FGD3: variants seen among roughly 807,000 people sequenced by gnomAD.
FGD3 encodes FYVE, RhoGEF and PH domain-containing protein 3.
In FGD3, 45 loss-of-function variants were observed where a neutral mutation model predicts 71.8. The observed-to-expected ratio is 0.63, with a 90% CI of 0.49 to 0.80. The LOEUF (loss-of-function observed/expected upper bound fraction) is 0.80, where lower values mean the gene tolerates loss of function less well. FGD3 is among the 30% of genes least tolerant of loss of function. The probability of loss-of-function intolerance (pLI) is 0.00; values close to 1 mark genes in which losing one functional copy is unlikely to be tolerated. For missense variants in FGD3, 844 were observed against 951.5 expected (o/e 0.89, Z 1.49); for synonymous variants, 378 against 392.8 (o/e 0.96, Z 0.44).
intron 3 of FGD3, among the ~76,000 whole-genome samples, chr9:92,983,104 T>C (rs1175687551): frequency 6.6e-6 from 1 of 151,766 alleles, no homozygotes; most frequent in African/African-American, 2.4e-5. Context: ...AAATTCACCT[T>C]TTAAAAAGGA....
At chr9:92,992,760 C>T (rs1039673535) in intron 3 of FGD3, among the ~76,000 whole-genome samples, 3 of 152,092 alleles carry the variant, frequency 2.0e-5, no homozygotes, top group Non-Finnish European at 2.9e-5. Flanking sequence ...CCACAGCAGC[C>T]TCGTTCACAG....
At chr9:93,027,715 C>CTTTTTTTTTTTTTTTTTTTTTTTTTT (rs1199094054) in intron 14 of FGD3, among the ~76,000 whole-genome samples, 2 of 102,002 alleles carry the variant, frequency 2.0e-5, no homozygotes, top group African/African-American at 8.0e-5. Context: ...TTCTTTCTTT[C>CTTTTTTTTTTTTTTTTTTTTTTTTTT]TTTTTTTTTT....
intron 14 of FGD3, among the ~76,000 whole-genome samples, chr9:93,028,212 A>ACC (rs1862201230): frequency 1.2e-5 from 1 of 81,660 alleles, no homozygotes; most frequent in Admixed American, 1.2e-4. Context: ...ACACACACAC[A>ACC]CACACGCACA....
intron 3 of FGD3, among the ~76,000 whole-genome samples, chr9:92,980,343 C>T (rs776503312): frequency 1.3e-5 from 2 of 152,112 alleles, no homozygotes; most frequent in African/African-American, 2.4e-5. Flanking sequence ...GTTAACCTAG[C>T]TAAATGTTTG....
intron 1 of FGD3, among the ~76,000 whole-genome samples, chr9:92,959,790 G>A (rs1025869343): frequency 5.3e-5 from 8 of 150,944 alleles, no homozygotes; most frequent in African/African-American, 1.2e-4. Flanking sequence ...TTGGAAGGTC[G>A]ATGGCTGAAG....
intron 3 of FGD3, among the ~76,000 whole-genome samples, chr9:92,994,673 G>A (rs1860557960): frequency 6.6e-6 from 1 of 152,188 alleles, no homozygotes; most frequent in Non-Finnish European, 1.5e-5. Context: ...AAGGGGTCCA[G>A]TTTCAGCTTT....
chr9:93,000,880 G>A (rs1005523360), intron 3 of FGD3, among the ~76,000 whole-genome samples: 5 of 151,946 alleles, frequency 3.3e-5, no homozygotes, highest in African/African-American at 1.2e-4. Flanking sequence ...TAAACTCTTT[G>A]CCCCTTTCTC....
chr9:93,035,227 C>T, intron 17 of FGD3, 111 bp from the exon 18 acceptor site: 5 of 1,443,588 alleles, frequency 3.5e-6, no homozygotes, highest in Non-Finnish European at 4.6e-6. Context: ...TCAGCACCTG[C>T]CTTGCGTTGC....
intron 1 of FGD3, among the ~76,000 whole-genome samples, chr9:92,962,250 G>A (rs992675779): frequency 2.0e-5 from 3 of 152,210 alleles, no homozygotes; most frequent in South Asian, 4.1e-4. Flanking sequence ...GCCTGCTGCT[G>A]TGCTGCCAGA....
intron 6 of FGD3, among the ~76,000 whole-genome samples, chr9:93,008,804 A>G (rs1861174184): frequency 6.6e-6 from 1 of 152,028 alleles, no homozygotes; most frequent in Non-Finnish European, 1.5e-5. Context: ...TCTCTACTAA[A>G]AATACAAAAA....
intron 3 of FGD3, among the ~76,000 whole-genome samples, chr9:92,979,717 T>A (rs930415348): frequency 8.5e-5 from 13 of 152,214 alleles, no homozygotes; most frequent in Non-Finnish European, 1.6e-4. Flanking sequence ...AATCCATCAG[T>A]GAAGCCATCT....
At position 92,976,385 on chromosome 9, in the gene FGD3, TG is replaced by T. The variant is rs1378687962; in HGVS notation, c.133del (p.Asp45ThrfsTer15). On this transcript the variant is annotated frameshift_variant, in exon 3 of 18. Transcript: ENST00000375482. LOFTEE classifies it high-confidence loss of function. ...TCCCTGTTGGGCCCAGAGCCCACTG[TG>T]GGGACCCTGTCAGCCTGGCTGCAGC... Reference protein sequence around the residue: ...ALPVGPRAHCGDPVSLAAAGD... With the variant: ...ALPVGPRAHCXDPVSLAAAGD... 6.2e-7 allele frequency: 1 copy of T among 1,610,812 alleles called. No individual in the cohort carries two copies. Among genetic ancestry groups the T allele is most frequent in the Non-Finnish European group, 8.5e-7 (1 of 1,179,054 alleles).
At chr9:93,019,272 C>CTA (rs1861822748) in intron 11 of FGD3, among the ~76,000 whole-genome samples, 1 of 152,128 alleles carries the variant, frequency 6.6e-6, no homozygotes, top group South Asian at 2.1e-4. Context: ...CATCCCATAT[C>CTA]TGCACACCAT....
At chr9:92,977,054 G>A (rs561957497) in intron 3 of FGD3, among the ~76,000 whole-genome samples, 1 of 152,324 alleles carries the variant, frequency 6.6e-6, no homozygotes, top group Non-Finnish European at 1.5e-5. Flanking sequence ...GCTCACTGCT[G>A]ACTTTATGAA....
At position 92,969,752 on chromosome 9, in the gene FGD3, T is replaced by C. The variant is rs546336775; in HGVS notation, c.-217-5486T>C. ...GGTAGGCAGACTGGTGGCCCATCTG[T>C]GGGACCAGCCCTGCCTATCTGGGGG... On this transcript the variant is annotated intron_variant, in intron 1 of 17. Coordinates refer to ENST00000375482, the MANE Select transcript of FGD3 (RefSeq NM_001083536.2). The surrounding 1 kb of genome is among the most constrained non-coding windows in gnomAD (Gnocchi z 4.5). 1.4e-4 allele frequency among the ~76,000 whole-genome samples: 22 copies of C among 152,258 alleles called. No individual in the cohort carries two copies. The highest frequency in any genetic ancestry group is 5.1e-4 in the African/African-American group (21 of 41,550).
intron 6 of FGD3, among the ~76,000 whole-genome samples, chr9:93,009,729 C>T (rs1357492236): frequency 1.3e-4 from 20 of 152,148 alleles, no homozygotes; most frequent in Admixed American, 5.9e-4. Flanking sequence ...ACGTGGAGCG[C>T]GAGGGTCTCA....
At chr9:92,962,393 G>T (rs943698235) in intron 1 of FGD3, among the ~76,000 whole-genome samples, 3 of 152,210 alleles carry the variant, frequency 2.0e-5, no homozygotes, top group Non-Finnish European at 2.9e-5. Context: ...GCTGAACCAG[G>T]TGGTGGTGGC....
At chr9:92,966,441 GC>G (rs1859329432) in intron 1 of FGD3, among the ~76,000 whole-genome samples, 1 of 152,316 alleles carries the variant, frequency 6.6e-6, no homozygotes, top group South Asian at 2.1e-4. Flanking sequence ...AATGGTTGCT[GC>G]ATTTTCCCAA....
chr9:93,018,720 T>C (rs1041677999), intron 11 of FGD3, among the ~76,000 whole-genome samples: 2 of 152,196 alleles, frequency 1.3e-5, no homozygotes, highest in African/African-American at 4.8e-5. Context: ...AATTTGTATG[T>C]TTATCAGATA....
Sources: gnomAD v4.1 joint callset for allele counts (sites outside exome capture counted in the v4.1 genomes callset) on GRCh38, gnomAD v4.1.1 for gene constraint, Gnocchi (gnomAD v3.1) non-coding constraint, MANE v1.5 for transcripts, NCBI Gene and HGNC (gene_info 2026-07-23, HGNC 2026-07-21) for gene names.